TBC1D20: variants seen among roughly 807,000 people sequenced by gnomAD.
TBC1D20 encodes the protein TBC1 domain family member 20.
In TBC1D20, 12 loss-of-function variants were observed where a neutral mutation model predicts 41.6. The ratio of observed to expected loss-of-function variants is 0.29; its 90% CI spans 0.18 to 0.47. TBC1D20 has a LOEUF of 0.47. Ranked by LOEUF, TBC1D20 falls within the 20% of genes least tolerant of loss-of-function variation. The pLI, the probability that TBC1D20 is intolerant of heterozygous loss-of-function variation, is 1.00. For synonymous variants in TBC1D20, 205 were observed against 204.8 expected (o/e 1.00, Z -0.01); for missense variants, 421 against 517.4 (o/e 0.81, Z 1.81).
Position 438,572 on chromosome 20 carries a change from GTCT to G in TBC1D20, c.*11_*13del, listed in dbSNP as rs1568574086. The G allele has an allele frequency of 6.2e-7, 1 of 1,612,676 alleles. No homozygotes were observed. Among genetic ancestry groups the G allele is most frequent in the Non-Finnish European group, 8.5e-7 (1 of 1,178,910 alleles). On this transcript the variant is annotated 3_prime_UTR_variant, in exon 8 of 8. Coordinates refer to ENST00000354200, the MANE Select transcript of TBC1D20 (RefSeq NM_144628.4). ...GACCTTAATGTGATGTAAGAGGAAG[GTCT>G]TCTCTGGCTTTCAGGGAAACAGCTG...
chr20:457,084 GCA>G (rs1187099551), intron 1 of TBC1D20, among the ~76,000 whole-genome samples: 1 of 151,102 alleles, frequency 6.6e-6, no homozygotes, highest in Non-Finnish European at 1.5e-5. Flanking sequence ...TTACAGGCAT[GCA>G]CCACCATGCC....
chr20:455,863 C>T (rs981152697), intron 1 of TBC1D20, among the ~76,000 whole-genome samples: 6 of 151,984 alleles, frequency 3.9e-5, no homozygotes, highest in Non-Finnish European at 7.4e-5. Context: ...ACCCAAGAGG[C>T]GGAGGTTACA....
chr20:450,297 C>T (rs1478765973), intron 1 of TBC1D20, among the ~76,000 whole-genome samples: 1 of 151,766 alleles, frequency 6.6e-6, no homozygotes, highest in Non-Finnish European at 1.5e-5. Context: ...TACAGGCATG[C>T]ACCACCACGC....
intron 6 of TBC1D20, among the ~76,000 whole-genome samples, chr20:440,017 T>G (rs1367212966): frequency 6.6e-6 from 1 of 152,202 alleles, no homozygotes; most frequent in Non-Finnish European, 1.5e-5. Flanking sequence ...GGTTCAGAAG[T>G]GTCATGCAGC....
chr20:459,231 G>C (rs2017591459), intron 1 of TBC1D20, among the ~76,000 whole-genome samples: 1 of 152,208 alleles, frequency 6.6e-6, no homozygotes, highest in Non-Finnish European at 1.5e-5. Flanking sequence ...TTCAGGAAAA[G>C]ATTAAAATAA....
At chr20:447,333 A>T (rs1196119258) in intron 2 of TBC1D20, among the ~76,000 whole-genome samples, 1 of 151,984 alleles carries the variant, frequency 6.6e-6, no homozygotes, top group Non-Finnish European at 1.5e-5. Context: ...TAATAAATTC[A>T]CTTGCCTAGC....
intron 1 of TBC1D20, among the ~76,000 whole-genome samples, chr20:452,131 ACC>A (rs2017454076): frequency 6.6e-6 from 1 of 152,028 alleles, no homozygotes; most frequent in African/African-American, 2.4e-5. Flanking sequence ...ACATGAGGAA[ACC>A]CCGTCTCTAC....
At chr20:457,517 G>A (rs1323895924) in intron 1 of TBC1D20, among the ~76,000 whole-genome samples, 8 of 152,142 alleles carry the variant, frequency 5.3e-5, no homozygotes, top group African/African-American at 1.4e-4. Context: ...CCACCACACT[G>A]GGCTCTGGTA....
rs71191943 is a variant in TBC1D20, at chr20:453,153, CAAAAAAAAAAAAAAAAAAAAAA to C, written c.71-5101_71-5080del. ...GGGCAACAAGAGCGAAACTCCGTTTCAAAAAAAAAAAAAAAAAAAAAAAAAAAAAAAAAAACAGGCTGGGCGC... is the reference window on the plus strand; with the variant it reads ...GGGCAACAAGAGCGAAACTCCGTTTCAAAAAAAAAAAAACAGGCTGGGCGC... On this transcript the variant is annotated intron_variant, in intron 1 of 7. Coordinates refer to ENST00000354200, the MANE Select transcript of TBC1D20 (RefSeq NM_144628.4). Among the ~76,000 whole-genome samples the C allele has an allele frequency of 4.0e-4, 18 of 44,840 alleles. 1 individual carries two copies. Among genetic ancestry groups the C allele is most frequent in the African/African-American group, 1.0e-3 (12 of 11,612 alleles). The allele number at this position is 44,840 out of a possible 152,430, so 29.4% of individuals were successfully genotyped here.
chr20:438,778 C>A lies in TBC1D20; in HGVS notation c.1020G>T (p.Val340=), dbSNP rs199820157. ...GAAGTCCCCGAAACCGCTGCCGCAG[C>A]ACCATATCAGGCCTCTGCTGGGCTG... ...LASAQQRPDM[V]LRQRFRGLLR... is the part of the protein sequence containing the mutation. Residue 340 remains valine, a synonymous_variant, in exon 8 of 8, where the codon GTG becomes GTT. Transcript: ENST00000354200. 20 of 1,614,242 alleles carry A rather than the reference C, an allele frequency of 1.2e-5. No homozygotes were observed. Among genetic ancestry groups the A allele is most frequent in the Middle Eastern group, 3.3e-4 (2 of 6,062 alleles).
chr20:451,240 C>T (rs2017436319), intron 1 of TBC1D20, among the ~76,000 whole-genome samples: 3 of 152,100 alleles, frequency 2.0e-5, no homozygotes, highest in Admixed American at 6.6e-5. Context: ...CAGTGTAAGA[C>T]GACCTTTTTA....
chr20:458,505 GA>G (rs563821967), intron 1 of TBC1D20, among the ~76,000 whole-genome samples: 157 of 151,876 alleles, frequency 1.0e-3, no homozygotes, highest in African/African-American at 3.6e-3. Context: ...ATTTTGTAGA[GA>G]AAAAAAGTGT....
In TBC1D20 at chr20:450,424, G is replaced by A. The variant is rs193097902; in HGVS notation, c.71-2350C>T. Among the ~76,000 whole-genome samples, 654 of 151,966 alleles carry A rather than the reference G, an allele frequency of 4.3e-3. 3 individuals are homozygous for A. Among genetic ancestry groups the A allele is most frequent in the Non-Finnish European group, 7.2e-3 (489 of 67,980 alleles). ...GCCTCCCAAAGTGCTGAGATTACAA[G>A]CGTGAGCCACCACGCCTGGCCAACA... is the stretch of plus-strand genomic sequence containing the variant. On this transcript the variant is annotated intron_variant, in intron 1 of 7. Coordinates refer to ENST00000354200, the MANE Select transcript of TBC1D20 (RefSeq NM_144628.4).
At chr20:460,208 G>C (rs1009876772) in intron 1 of TBC1D20, among the ~76,000 whole-genome samples, 11 of 151,930 alleles carry the variant, frequency 7.2e-5, no homozygotes, top group African/African-American at 2.7e-4. Context: ...ACAATGGAAG[G>C]GGGGGGCCGT....
intron 1 of TBC1D20, among the ~76,000 whole-genome samples, chr20:448,994 G>A (rs980027658): frequency 6.8e-5 from 10 of 147,920 alleles, no homozygotes; most frequent in African/African-American, 2.0e-4. Flanking sequence ...TTTCAGGCAC[G>A]CACCACCATG....
At chr20:454,773 A>G (rs745755056) in intron 1 of TBC1D20, among the ~76,000 whole-genome samples, 6 of 151,940 alleles carry the variant, frequency 3.9e-5, no homozygotes, top group Non-Finnish European at 8.8e-5. Context: ...TTGGGTTCAA[A>G]CCATTCTCGG....
At position 441,885 on chromosome 20, in the gene TBC1D20, C is replaced by G; in HGVS notation, c.496G>C (p.Val166Leu). The G allele has an allele frequency of 6.2e-7, 1 of 1,613,964 alleles. No homozygotes were observed. Among genetic ancestry groups the G allele is most frequent in the Non-Finnish European group, 8.5e-7 (1 of 1,179,954 alleles). ...AGGTGGTGGGTAGATAATTTTTCTACCAGGGATGTTGCCAGCCTCTCGCCT... is the reference window on the plus strand; with the variant it reads ...AGGTGGTGGGTAGATAATTTTTCTAGCAGGGATGTTGCCAGCCTCTCGCCT... ...VVGERLATSLVEKLSTHHLRD... is the reference protein window; with the variant it reads ...VVGERLATSLLEKLSTHHLRD... The change falls in exon 4 of 8, where the codon GTA (valine) becomes CTA (leucine). Residue 166 changes from valine (V) to leucine (L), a missense_variant. Transcript: ENST00000354200.
chr20:440,036 T>C (rs1362185492), intron 6 of TBC1D20, among the ~76,000 whole-genome samples: 2 of 152,114 alleles, frequency 1.3e-5, no homozygotes, highest in African/African-American at 4.8e-5. Context: ...GCAAAAAAAA[T>C]CTGATTTTGT....
chr20:448,995 C>A (rs1408352840), intron 1 of TBC1D20, among the ~76,000 whole-genome samples: 2 of 149,286 alleles, frequency 1.3e-5, no homozygotes, highest in Non-Finnish European at 3.0e-5. Context: ...TTCAGGCACG[C>A]ACCACCATGC....
Sources: gnomAD v4.1 joint callset for allele counts (sites outside exome capture counted in the v4.1 genomes callset) on GRCh38, gnomAD v4.1.1 for gene constraint, MANE v1.5 for transcripts, NCBI Gene and HGNC (gene_info 2026-07-23, HGNC 2026-07-21) for gene names.